The following TSPAN18 variants were observed in gnomAD, a reference collection of about 807,000 sequenced individuals.
TSPAN18 encodes tetraspanin-18.
In TSPAN18, 14 loss-of-function variants were observed where a neutral mutation model predicts 27.3. That is an observed-to-expected ratio of 0.51 (90% CI 0.34 to 0.80). TSPAN18 has a LOEUF of 0.80. Among genes scored for constraint, TSPAN18 ranks in the 30% least tolerant of loss-of-function variants. TSPAN18 has a pLI of 0.01. For missense variants in TSPAN18, 268 were observed against 323.9 expected (o/e 0.83, Z 1.32); for synonymous variants, 143 against 136.5 (o/e 1.05, Z -0.33).
chr11:44,843,306 C>G (rs1857413344), intron 2 of TSPAN18, among the ~76,000 whole-genome samples: 1 of 152,082 alleles, frequency 6.6e-6, no homozygotes, highest in Non-Finnish European at 1.5e-5. Context: ...ATCCGTGATG[C>G]CCCACAAGCC....
intron 2 of TSPAN18, among the ~76,000 whole-genome samples, chr11:44,777,873 CAGGGACT>C (rs1303642896): frequency 9.2e-5 from 14 of 152,286 alleles, no homozygotes; most frequent in African/African-American, 3.1e-4. Flanking sequence ...AGCCCTGGTT[CAGGGACT>C]AGGGATACCC....
intron 3 of TSPAN18, among the ~76,000 whole-genome samples, chr11:44,890,519 C>T (rs1004541928): frequency 3.3e-5 from 5 of 151,802 alleles, no homozygotes; most frequent in African/African-American, 7.3e-5. Flanking sequence ...GTCAGGAGAT[C>T]GAGACCATCC....
chr11:44,866,878 C>T (rs552147132), intron 3 of TSPAN18, among the ~76,000 whole-genome samples: 7 of 152,158 alleles, frequency 4.6e-5, no homozygotes, highest in African/African-American at 9.6e-5. Flanking sequence ...CCACCATCTT[C>T]GGAAAGAAGA....
intron 3 of TSPAN18, among the ~76,000 whole-genome samples, chr11:44,864,959 T>C (rs1857996419): frequency 6.6e-6 from 1 of 152,006 alleles, no homozygotes. Flanking sequence ...CAGCCAGAGG[T>C]TGGTGAATGG....
chr11:44,891,030 G>T (rs1022848954), intron 3 of TSPAN18, among the ~76,000 whole-genome samples: 2 of 152,072 alleles, frequency 1.3e-5, no homozygotes, highest in African/African-American at 2.4e-5. Flanking sequence ...AATTAGCTGC[G>T]CATAGTGGCA....
chr11:44,795,648 G>A (rs938029661), intron 2 of TSPAN18, among the ~76,000 whole-genome samples: 8 of 150,938 alleles, frequency 5.3e-5, no homozygotes, highest in Non-Finnish European at 1.0e-4. Flanking sequence ...TACTCCTGCC[G>A]CTTCTGATTG....
At chr11:44,794,485 T>C (rs139603798) in intron 2 of TSPAN18, among the ~76,000 whole-genome samples, 273 of 152,118 alleles carry the variant, frequency 1.8e-3, no homozygotes, top group African/African-American at 5.3e-3. Context: ...CTGGGCAACA[T>C]GGAGAAATCT....
chr11:44,847,015 C>T (rs1165852118), intron 2 of TSPAN18, among the ~76,000 whole-genome samples: 2 of 152,142 alleles, frequency 1.3e-5, no homozygotes, highest in Admixed American at 6.5e-5. Context: ...GGAAGATTCG[C>T]GAAGCACTAA....
rs184847102 is a variant in TSPAN18, at chr11:44,816,326, G to A, written c.-152-44002G>A. Among the ~76,000 whole-genome samples the A allele has an allele frequency of 1.1e-3, 169 of 152,310 alleles. 2 individuals carry two copies. The highest frequency in any genetic ancestry group is 3.3e-4 in the Admixed American group (5 of 15,300). Reference sequence around the variant, plus strand: ...CACATTTGCCATTCCTGGGTCACCCGCAACTGAAATTGTCCAGAGACTGCA... The same window carrying A: ...CACATTTGCCATTCCTGGGTCACCCACAACTGAAATTGTCCAGAGACTGCA... On this transcript the variant is annotated intron_variant, in intron 2 of 9. Transcript: ENST00000520358.
chr11:44,926,738 T>A lies in TSPAN18; in HGVS notation c.680T>A (p.Ile227Asn). The A allele has an allele frequency of 1.9e-6, 3 of 1,614,100 alleles. No individual in the cohort carries two copies. Among genetic ancestry groups the A allele is most frequent in the Non-Finnish European group, 2.5e-6 (3 of 1,179,998 alleles). ...TYVYLAGALA[I>N]GVLAIELFAM... Reference sequence around the variant, plus strand: ...GTCTACTTGGCCGGAGCCCTTGCCATCGGGGTACTGGCCATCGAGGTAAGT... The same window carrying A: ...GTCTACTTGGCCGGAGCCCTTGCCAACGGGGTACTGGCCATCGAGGTAAGT... The change falls in exon 9 of 10, where the codon ATC (isoleucine) becomes AAC (asparagine). Residue 227 changes from isoleucine (I) to asparagine (N), a missense_variant. Ile to Asn is a moderately radical substitution (Grantham distance 149). Coordinates refer to ENST00000520358, the MANE Select transcript of TSPAN18 (RefSeq NM_130783.5).
At chr11:44,735,868 C>T (rs1379480100) in intron 1 of TSPAN18, among the ~76,000 whole-genome samples, 4 of 152,104 alleles carry the variant, frequency 2.6e-5, no homozygotes, top group Admixed American at 1.3e-4. Flanking sequence ...CTGCCCGCCT[C>T]GGCCTCCCAA....
chr11:44,778,214 C>T (rs1342649071), intron 2 of TSPAN18, among the ~76,000 whole-genome samples: 3 of 151,844 alleles, frequency 2.0e-5, no homozygotes, highest in Non-Finnish European at 4.4e-5. Flanking sequence ...GATGGTGCAA[C>T]TTGTGTAGCT....
At chr11:44,865,562 T>C (rs1858014200) in intron 3 of TSPAN18, among the ~76,000 whole-genome samples, 1 of 152,240 alleles carries the variant, frequency 6.6e-6, no homozygotes, top group Non-Finnish European at 1.5e-5. Flanking sequence ...TCAAATGATC[T>C]GGAAGGATTT....
intron 2 of TSPAN18, among the ~76,000 whole-genome samples, chr11:44,769,630 T>C (rs1452456539): frequency 1.3e-5 from 2 of 152,222 alleles, no homozygotes; most frequent in Non-Finnish European, 2.9e-5. Flanking sequence ...TTTCTAGGAA[T>C]TGGTACATTT....
intron 1 of TSPAN18, among the ~76,000 whole-genome samples, chr11:44,754,325 A>G (rs945332458): frequency 1.3e-5 from 2 of 152,170 alleles, no homozygotes; most frequent in Non-Finnish European, 1.5e-5. Flanking sequence ...TGGCCAGTTT[A>G]GAAACATCTC....
At chr11:44,871,750 G>C (rs533719623) in intron 3 of TSPAN18, among the ~76,000 whole-genome samples, 56 of 152,294 alleles carry the variant, frequency 3.7e-4, no homozygotes, top group African/African-American at 1.3e-3. Context: ...TTCCCAATGT[G>C]TATTGCTTGC....
chr11:44,746,624 G>A (rs974960637), intron 1 of TSPAN18, among the ~76,000 whole-genome samples: 10 of 152,266 alleles, frequency 6.6e-5, no homozygotes, highest in Middle Eastern at 3.4e-3. Context: ...GCAGATGGTG[G>A]TGCATGCCTG....
chr11:44,730,722 C>T (rs1233016070), intron 1 of TSPAN18, among the ~76,000 whole-genome samples: 1 of 151,710 alleles, frequency 6.6e-6, no homozygotes, highest in Non-Finnish European at 1.5e-5. Context: ...CTCCCGAGTT[C>T]AAGCGATTCT....
intron 2 of TSPAN18, among the ~76,000 whole-genome samples, chr11:44,773,645 T>TG (rs1855740431): frequency 1.3e-5 from 2 of 152,296 alleles, no homozygotes; most frequent in African/African-American, 4.8e-5. Flanking sequence ...GCCCCGCTCT[T>TG]GGCATGCCCA....
Sources: allele counts gnomAD v4.1 joint callset (sites outside exome capture counted in the v4.1 genomes callset), GRCh38; gene constraint gnomAD v4.1.1; transcripts MANE v1.5; gene names NCBI Gene and HGNC (gene_info 2026-07-23, HGNC 2026-07-21).